The following GFRA2 variants were observed in gnomAD, a reference collection of about 807,000 sequenced individuals.
GFRA2 encodes the protein GDNF family receptor alpha 2.
Under a neutral mutation model 48.3 loss-of-function variants are expected in GFRA2, and 17 were observed. The ratio of observed to expected loss-of-function variants is 0.35; its 90% CI spans 0.24 to 0.53. GFRA2 has a LOEUF of 0.53. Ranked by LOEUF, GFRA2 falls within the 20% of genes least tolerant of loss-of-function variation. GFRA2 has a pLI of 0.93. For missense variants in GFRA2, 660 were observed against 637.3 expected (o/e 1.04, Z -0.38); for synonymous variants, 305 against 257.2 (o/e 1.19, Z -1.78).
upstream of GFRA2, among the ~76,000 whole-genome samples, chr8:21,793,836 A>G (rs1172282238): frequency 3.3e-5 from 5 of 151,576 alleles, no homozygotes; most frequent in Admixed American, 2.0e-4. Context: ...CCTATCCACA[A>G]ATAGTGTGAA....
At chr8:21,748,325 A>C (rs1805111456) in intron 4 of GFRA2, among the ~76,000 whole-genome samples, 1 of 152,144 alleles carries the variant, frequency 6.6e-6, no homozygotes, top group South Asian at 2.1e-4. Flanking sequence ...CTCAACTAGG[A>C]AACATGGTAG....
chr8:21,693,962 T>C (rs1802013028), intron 8 of GFRA2, among the ~76,000 whole-genome samples: 1 of 150,078 alleles, frequency 6.7e-6, no homozygotes, highest in Admixed American at 6.7e-5. Context: ...TCTAAGTTAC[T>C]GTCTTGGGTC....
chr8:21,802,378 A>G (rs1279785117), intron 2 of GFRA2, among the ~76,000 whole-genome samples: 2 of 152,136 alleles, frequency 1.3e-5, no homozygotes, highest in African/African-American at 4.8e-5. Context: ...CTTTTGAGAA[A>G]GGGTCTCATT....
intron 2 of GFRA2, among the ~76,000 whole-genome samples, chr8:21,775,995 G>GTT (rs1465692953): frequency 5.6e-5 from 4 of 71,684 alleles, no homozygotes; most frequent in African/African-American, 3.3e-4. Flanking sequence ...TCCTCTGTGT[G>GTT]TGTGTGTGTG....
intron 4 of GFRA2, among the ~76,000 whole-genome samples, chr8:21,717,899 C>G (rs1357624015): frequency 6.6e-6 from 1 of 152,188 alleles, no homozygotes; most frequent in Non-Finnish European, 1.5e-5. Context: ...TCTTCAAGAA[C>G]CCCTCTACCT....
chr8:21,760,390 G>A (rs930311775), intron 3 of GFRA2, among the ~76,000 whole-genome samples: 3 of 152,150 alleles, frequency 2.0e-5, no homozygotes, highest in African/African-American at 7.2e-5. Flanking sequence ...AGGGCAAAAT[G>A]TGAACCCATT....
At chr8:21,694,905 C>G (rs961654261) in intron 7 of GFRA2, among the ~76,000 whole-genome samples, 1 of 152,194 alleles carries the variant, frequency 6.6e-6, no homozygotes, top group Non-Finnish European at 1.5e-5. Flanking sequence ...TCACTAGATG[C>G]CTGCATCCAT....
intron 1 of GFRA2, among the ~76,000 whole-genome samples, chr8:21,783,543 C>T (rs1807117913): frequency 6.6e-6 from 1 of 152,136 alleles, no homozygotes; most frequent in Admixed American, 6.5e-5. Flanking sequence ...CACTCTGACT[C>T]TCATTCTGAC....
chr8:21,776,911 G>A (rs1806734569), intron 2 of GFRA2, among the ~76,000 whole-genome samples: 1 of 152,148 alleles, frequency 6.6e-6, no homozygotes, highest in Admixed American at 6.5e-5. Flanking sequence ...TTGGGGTGGG[G>A]TTACCAGCCA....
At chr8:21,783,179 GCTCAAGAC>G in intron 1 of GFRA2, 3 of 605,862 alleles carry the variant, frequency 5.0e-6, no homozygotes, top group Non-Finnish European at 9.3e-6. Flanking sequence ...GAAGGTCCCG[GCTCAAGAC>G]CTCAGTCTAA....
chr8:21,762,613 A>G (rs1185969805), intron 3 of GFRA2, among the ~76,000 whole-genome samples: 2 of 152,182 alleles, frequency 1.3e-5, no homozygotes, highest in African/African-American at 2.4e-5. Context: ...AATAAAATCA[A>G]TTTGGAACCT....
chr8:21,749,367 T>C (rs1355505172), intron 4 of GFRA2, among the ~76,000 whole-genome samples: 1 of 151,888 alleles, frequency 6.6e-6, no homozygotes, highest in African/African-American at 2.4e-5. Flanking sequence ...CCCTGTGACG[T>C]GGGTATTTTT....
At position 21,706,038 on chromosome 8, in the gene GFRA2, G is replaced by C. The variant is rs753879133; in HGVS notation, c.798C>G (p.Ser266=). 6.4e-7 allele frequency: 1 copy of C among 1,560,974 alleles called. No individual in the cohort carries two copies. The highest frequency in any genetic ancestry group is 8.7e-7 in the Non-Finnish European group (1 of 1,151,164). ...GVCRTDHLCR[S]RLADFHANCR... The stretch of plus-strand genomic sequence containing the variant: ...AATTGGCATGGAAGTCGGCCAGCCG[G>C]GACCTGGTGGTGGGTAGAAGACGCA... The change falls in exon 5 of 9, where the codon TCC becomes TCG. Residue 266 remains serine (S), a synonymous_variant. Transcript: ENST00000524240.
At position 21,802,707 on chromosome 8, in the gene GFRA2, C is replaced by G. The variant is rs888608782; in HGVS notation, c.-36+2310G>C. Among the ~76,000 whole-genome samples, 7 of 152,116 alleles carry G rather than the reference C, an allele frequency of 4.6e-5. No homozygotes were observed. In the South Asian group the frequency reaches 1.5e-3, roughly 32 times the overall value. ...AAGCATACAGCCTAGTAGGGGGAGG[C>G]AGATGTACAAATGAAAAAGTGCAAT... is the stretch of plus-strand genomic sequence containing the variant. On this transcript the variant is annotated intron_variant, in intron 2 of 10. Transcript: ENST00000517328.
intron 4 of GFRA2, among the ~76,000 whole-genome samples, chr8:21,724,626 C>A (rs371346414): frequency 9.1e-4 from 138 of 152,218 alleles, no homozygotes; most frequent in African/African-American, 3.1e-3. Context: ...GATCTGCAAG[C>A]AAAGGGTCTG....
In GFRA2 at chr8:21,812,072, T is replaced by G. The variant is rs1466639156; in HGVS notation, c.-148+159A>C. Among the ~76,000 whole-genome samples, 3 of 152,320 alleles carry G rather than the reference T, an allele frequency of 2.0e-5. No individual in the cohort carries two copies. In the East Asian group the frequency reaches 5.8e-4, roughly 29 times the overall value. On this transcript the variant is annotated intron_variant, in intron 1 of 10. Coordinates refer to the GFRA2 transcript ENST00000517328. ...TCACCCATCTGTGTTCTCTGTCATT[T>G]TGTCATTTCCAGTCTCTGCCCCTAC...
At chr8:21,731,841 A>G (rs868775256) in intron 4 of GFRA2, among the ~76,000 whole-genome samples, 5 of 152,364 alleles carry the variant, frequency 3.3e-5, no homozygotes, top group Middle Eastern at 6.8e-3. Context: ...CAAAAGTCAC[A>G]GTATCTGGCG....
In GFRA2 at chr8:21,750,803, C is replaced by T. The variant is rs1334614641; in HGVS notation, c.579G>A (p.Glu193=). ...TGTGGCACTTGCGGCGGTTGCAGCG[C>T]TCGGTGGGCGAGATCTCGCGGTTGC... ...SICNREISPT[E]RCNRRKCHKA... Residue 193 remains glutamate (E), a synonymous_variant, in exon 4 of 9, where the codon GAG becomes GAA. Transcript: ENST00000524240. This position sits in a 1 kb window ranked among gnomAD's most constrained non-coding sequence, Gnocchi z 5.7. 6.2e-7 allele frequency: 1 copy of T among 1,614,020 alleles called. No individual in the cohort carries two copies. The highest frequency in any genetic ancestry group is 1.1e-5 in the South Asian group (1 of 91,084).
At chr8:21,730,328 G>A (rs57409834) in intron 4 of GFRA2, among the ~76,000 whole-genome samples, 2,225 of 152,152 alleles carry the variant, frequency 0.015, 54 homozygotes, top group African/African-American at 0.051. Context: ...ATTTGAACCC[G>A]GGAGGTGGAG....
Sources: gnomAD v4.1 joint callset for allele counts (sites outside exome capture counted in the v4.1 genomes callset) on GRCh38, gnomAD v4.1.1 for gene constraint, Gnocchi (gnomAD v3.1) non-coding constraint, MANE v1.5 for transcripts, NCBI Gene and HGNC (gene_info 2026-07-23, HGNC 2026-07-21) for gene names.